The following GLCE variants were observed in gnomAD, a reference collection of about 807,000 sequenced individuals.
The protein encoded by GLCE is glucuronic acid epimerase.
Under a neutral mutation model 47.9 loss-of-function variants are expected in GLCE, and 19 were observed. That is an observed-to-expected ratio of 0.40 (90% CI 0.28 to 0.58). The LOEUF (loss-of-function observed/expected upper bound fraction) is 0.58, where lower values mean the gene tolerates loss of function less well. Ranked by LOEUF, GLCE falls within the 20% of genes least tolerant of loss-of-function variation. The pLI is 0.48. For missense variants in GLCE, 556 were observed against 743.3 expected (o/e 0.75, Z 2.93); for synonymous variants, 245 against 263.4 (o/e 0.93, Z 0.68).
chr15:69,171,247 A>G (rs1359890617), intron 1 of GLCE, among the ~76,000 whole-genome samples: 1 of 152,170 alleles, frequency 6.6e-6, no homozygotes, highest in Admixed American at 6.5e-5. Flanking sequence ...AATATATAGT[A>G]GTAATTTGTC....
intron 1 of GLCE, among the ~76,000 whole-genome samples, chr15:69,183,506 A>T (rs897374711): frequency 1.3e-5 from 2 of 152,248 alleles, no homozygotes; most frequent in Admixed American, 1.3e-4. Flanking sequence ...CTAGACTGAT[A>T]CCAGGTAGCC....
intron 3 of GLCE, among the ~76,000 whole-genome samples, chr15:69,259,172 G>A (rs564717650): frequency 8.5e-5 from 13 of 152,142 alleles, no homozygotes; most frequent in South Asian, 8.3e-4. Context: ...GCTTTTTGCC[G>A]TATTTTCATG....
chr15:69,189,724 A>G lies in GLCE; in HGVS notation c.-104-20592A>G, dbSNP rs143236551. Among the ~76,000 whole-genome samples the G allele has an allele frequency of 9.2e-5, 14 of 152,066 alleles. No individual in the cohort carries two copies. In the East Asian group the frequency reaches 2.5e-3, roughly 27 times the overall value. On this transcript the variant is annotated intron_variant, in intron 1 of 4. Transcript: ENST00000261858. Reference sequence around the variant, plus strand: ...ACGTGTATGTTTTTCATTCCTGCTCATCTATCTTTTCTTTCTTCTCCTTCT... The same window carrying G: ...ACGTGTATGTTTTTCATTCCTGCTCGTCTATCTTTTCTTTCTTCTCCTTCT...
chr15:69,184,863 C>T (rs554457852), intron 1 of GLCE, among the ~76,000 whole-genome samples: 21 of 152,310 alleles, frequency 1.4e-4, no homozygotes, highest in African/African-American at 5.1e-4. Flanking sequence ...AAAATTCTGG[C>T]TTCCTCCTAA....
intron 1 of GLCE, among the ~76,000 whole-genome samples, chr15:69,182,871 C>T (rs1229031528): frequency 1.3e-5 from 2 of 151,854 alleles, no homozygotes; most frequent in Non-Finnish European, 2.9e-5. Context: ...AAAAATTAGT[C>T]GGGTGTGGTG....
chr15:69,266,076 G>A (rs1321960752), intron 4 of GLCE, among the ~76,000 whole-genome samples: 1 of 152,186 alleles, frequency 6.6e-6, no homozygotes, highest in Non-Finnish European at 1.5e-5. Flanking sequence ...ATTTTTTACT[G>A]TATTAGAAGT....
intron 2 of GLCE, among the ~76,000 whole-genome samples, chr15:69,254,227 G>A (rs963876989): frequency 5.3e-5 from 8 of 152,118 alleles, no homozygotes; most frequent in Non-Finnish European, 1.0e-4. Flanking sequence ...CTCTCAGCAG[G>A]CTGAAATGTA....
At chr15:69,192,147 G>T (rs1240544452) in intron 1 of GLCE, among the ~76,000 whole-genome samples, 5 of 151,848 alleles carry the variant, frequency 3.3e-5, no homozygotes, top group Non-Finnish European at 5.9e-5. Flanking sequence ...TTCCAATATT[G>T]CCCTACTCTT....
intron 2 of GLCE, among the ~76,000 whole-genome samples, chr15:69,226,111 A>T (rs1348818417): frequency 6.6e-6 from 1 of 151,982 alleles, no homozygotes; most frequent in Non-Finnish European, 1.5e-5. Context: ...TTGTTATTAG[A>T]TACAGTTATT....
chr15:69,192,178 A>G (rs189595810), intron 1 of GLCE, among the ~76,000 whole-genome samples: 1 of 151,828 alleles, frequency 6.6e-6, no homozygotes, highest in Admixed American at 6.6e-5. Context: ...TGCTTTCATT[A>G]TGGTTATGTT....
chr15:69,238,306 G>A (rs2140414796), intron 2 of GLCE, among the ~76,000 whole-genome samples: 2 of 152,204 alleles, frequency 1.3e-5, no homozygotes, highest in Non-Finnish European at 2.9e-5. Context: ...ATACTATGAT[G>A]TAAAGAACTT....
intron 1 of GLCE, among the ~76,000 whole-genome samples, chr15:69,198,831 A>T (rs1022855629): frequency 6.6e-6 from 1 of 152,142 alleles, no homozygotes; most frequent in Non-Finnish European, 1.5e-5. Context: ...TTGGGATTAC[A>T]GGCGTGAACC....
intron 2 of GLCE, among the ~76,000 whole-genome samples, chr15:69,235,601 C>G (rs1595772940): frequency 6.6e-6 from 1 of 152,140 alleles, no homozygotes; most frequent in East Asian, 1.9e-4. Flanking sequence ...GAAAGGTCAA[C>G]TAACTTGTCC....
intron 2 of GLCE, among the ~76,000 whole-genome samples, chr15:69,215,302 T>G (rs2052290285): frequency 6.6e-6 from 1 of 152,142 alleles, no homozygotes; most frequent in African/African-American, 2.4e-5. Context: ...TTTTCCAGAG[T>G]ATCATATACA....
At chr15:69,261,926 T>C (rs906198729) in intron 4 of GLCE, among the ~76,000 whole-genome samples, 1 of 152,194 alleles carries the variant, frequency 6.6e-6, no homozygotes, top group African/African-American at 2.4e-5. Flanking sequence ...AATTAGAATG[T>C]AATGCATTTT....
intron 2 of GLCE, among the ~76,000 whole-genome samples, chr15:69,223,787 A>T (rs1053608271): frequency 6.6e-6 from 1 of 151,760 alleles, no homozygotes; most frequent in African/African-American, 2.4e-5. Context: ...TGTTCCTCAG[A>T]GTCATAGTTG....
At position 69,230,071 on chromosome 15, in the gene GLCE, G is replaced by C. The variant is rs146585605; in HGVS notation, c.-14+19665G>C. Among the ~76,000 whole-genome samples the C allele has an allele frequency of 4.2e-3, 636 of 152,134 alleles. 6 individuals are homozygous for C. The highest frequency in any genetic ancestry group is 0.013 in the African/African-American group (552 of 41,498). ...CGAAAAATTAAAATTAGCTGGGCATGGTGGCGGGCACCTGTAATCCCAGCT... is the reference window on the plus strand; with the variant it reads ...CGAAAAATTAAAATTAGCTGGGCATCGTGGCGGGCACCTGTAATCCCAGCT... On this transcript the variant is annotated intron_variant, in intron 2 of 4. Coordinates refer to ENST00000261858, the MANE Select transcript of GLCE (RefSeq NM_015554.3).
chr15:69,173,261 A>G (rs757183474), intron 1 of GLCE, among the ~76,000 whole-genome samples: 2 of 152,248 alleles, frequency 1.3e-5, no homozygotes, highest in Non-Finnish European at 2.9e-5. Flanking sequence ...AGTAATCAGA[A>G]TGAAGCATGT....
intron 1 of GLCE, among the ~76,000 whole-genome samples, chr15:69,207,521 AC>A (rs1383986291): frequency 1.3e-5 from 2 of 152,056 alleles, no homozygotes; most frequent in African/African-American, 4.8e-5. Flanking sequence ...TTTGGATCTG[AC>A]TTCTTTCATT....
Sources: allele counts gnomAD v4.1 joint callset (sites outside exome capture counted in the v4.1 genomes callset), GRCh38; gene constraint gnomAD v4.1.1; transcripts MANE v1.5; gene names NCBI Gene and HGNC (gene_info 2026-07-23, HGNC 2026-07-21).